The following TRPM3 variants were observed in gnomAD, a reference collection of about 807,000 sequenced individuals.
The protein encoded by TRPM3 is long transient receptor potential channel 3.
Under a neutral mutation model 181.2 loss-of-function variants are expected in TRPM3, and 77 were observed. The ratio of observed to expected loss-of-function variants is 0.42; its 90% CI spans 0.35 to 0.51. The LOEUF is 0.51. Ranked by LOEUF, TRPM3 falls within the 20% of genes least tolerant of loss-of-function variation. The pLI is 0.01. For synonymous variants in TRPM3, 745 were observed against 796.4 expected (o/e 0.94, Z 1.09); for missense variants, 1,759 against 2,196.7 (o/e 0.80, Z 3.98).
intron 1 of TRPM3, among the ~76,000 whole-genome samples, chr9:71,230,497 T>C (rs1199879218): frequency 6.6e-6 from 1 of 152,156 alleles, no homozygotes; most frequent in Non-Finnish European, 1.5e-5. Context: ...AAAGAATAAA[T>C]GCTTGAGGTG....
At chr9:71,374,834 G>A (rs543049308) in intron 1 of TRPM3, among the ~76,000 whole-genome samples, 25 of 152,064 alleles carry the variant, frequency 1.6e-4, no homozygotes, top group African/African-American at 5.8e-4. Flanking sequence ...ATGAATGAAC[G>A]CCCATTCACA....
At chr9:71,385,882 TG>T (rs1254175788) in intron 1 of TRPM3, among the ~76,000 whole-genome samples, 2 of 151,412 alleles carry the variant, frequency 1.3e-5, no homozygotes, top group Non-Finnish European at 2.9e-5. Context: ...TTTTTTTTGG[TG>T]GGGGGTAGAG....
At chr9:70,783,886 C>T in intron 7 of TRPM3, 1 of 1,255,446 alleles carries the variant, frequency 8.0e-7, no homozygotes. Flanking sequence ...TTTTTATTAT[C>T]CGTGTAGCTT....
At chr9:71,037,021 C>T (rs1439720618) in intron 1 of TRPM3, among the ~76,000 whole-genome samples, 4 of 152,124 alleles carry the variant, frequency 2.6e-5, no homozygotes, top group Admixed American at 2.0e-4. Flanking sequence ...ATAGTTGCCA[C>T]ACTAAAACAG....
In TRPM3 at chr9:71,031,794, T is replaced by C. The variant is rs552971636; in HGVS notation, c.177+89384A>G. 2.0e-4 allele frequency among the ~76,000 whole-genome samples: 30 copies of C among 149,764 alleles called. No individual in the cohort carries two copies. The East Asian group carries it at 5.5e-3, about 27-fold the overall frequency. ...CCACTAATATTTTCACAGAATATAT[T>C]TCATGAATCATAATTTGAAAGCCAT... On this transcript the variant is annotated intron_variant, in intron 1 of 25. Transcript: ENST00000677713.
At chr9:70,588,711 A>T (rs1235100465) in intron 22 of TRPM3, among the ~76,000 whole-genome samples, 3 of 152,186 alleles carry the variant, frequency 2.0e-5, no homozygotes, top group Non-Finnish European at 4.4e-5. Flanking sequence ...AGGGCAGCAT[A>T]AAAGATTTGT....
chr9:70,951,179 C>T (rs1274325182), intron 1 of TRPM3, among the ~76,000 whole-genome samples: 6 of 151,748 alleles, frequency 4.0e-5, no homozygotes, highest in African/African-American at 7.3e-5. Flanking sequence ...ATTTAAAATA[C>T]GAATTAGGAA....
rs565421895 is a variant in TRPM3, at chr9:71,135,466, A to G, written c.184-270955T>C. On this transcript the variant is annotated intron_variant, in intron 1 of 24. Coordinates refer to the TRPM3 transcript ENST00000357533. ...TTTGGGTCTCAGAATAATGTATATA[A>G]TAAGAATGATGCTGATTCTCTGTTG... 6.8e-4 allele frequency among the ~76,000 whole-genome samples: 104 copies of G among 152,334 alleles called. 1 individual carries two copies. The highest frequency in any genetic ancestry group is 2.0e-3 in the African/African-American group (85 of 41,576).
chr9:71,069,583 G>A (rs1019327131), intron 1 of TRPM3, among the ~76,000 whole-genome samples: 2 of 151,678 alleles, frequency 1.3e-5, no homozygotes, highest in African/African-American at 2.4e-5. Context: ...GAATAGGAGG[G>A]CCTGTATGCC....
intron 1 of TRPM3, among the ~76,000 whole-genome samples, chr9:71,392,860 G>A (rs902241958): frequency 3.3e-5 from 5 of 152,010 alleles, no homozygotes; most frequent in Admixed American, 2.6e-4. Flanking sequence ...TTCCCCTTTA[G>A]GAAATGGAGT....
chr9:70,901,695 A>G (rs970453104), intron 1 of TRPM3, among the ~76,000 whole-genome samples: 2 of 152,216 alleles, frequency 1.3e-5, no homozygotes, highest in Non-Finnish European at 2.9e-5. Context: ...GTGAAAGATC[A>G]ATTGACTTTG....
At chr9:70,652,420 T>C (rs2059713705) in intron 9 of TRPM3, among the ~76,000 whole-genome samples, 1 of 151,942 alleles carries the variant, frequency 6.6e-6, no homozygotes, top group Non-Finnish European at 1.5e-5. Context: ...CCATGGGACT[T>C]TATAAGTTTG....
intron 1 of TRPM3, among the ~76,000 whole-genome samples, chr9:71,057,694 T>G (rs2060823103): frequency 1.3e-5 from 2 of 152,074 alleles, no homozygotes; most frequent in South Asian, 4.1e-4. Flanking sequence ...AGCCAAAATC[T>G]GAACCAAGTT....
At chr9:71,034,887 T>G (rs1296835529) in intron 1 of TRPM3, among the ~76,000 whole-genome samples, 1 of 152,104 alleles carries the variant, frequency 6.6e-6, no homozygotes, top group Non-Finnish European at 1.5e-5. Flanking sequence ...TCTAGAAATT[T>G]TATTTCTGAA....
intron 25 of TRPM3, among the ~76,000 whole-genome samples, 153 bp downstream of exon 25, chr9:70,549,389 G>A (rs1228960238): frequency 2.0e-5 from 3 of 152,136 alleles, no homozygotes; most frequent in African/African-American, 7.2e-5. Context: ...GATACTTTGG[G>A]CAATGTTCTG....
chr9:71,199,137 G>T (rs973227611), intron 1 of TRPM3, among the ~76,000 whole-genome samples: 9 of 151,314 alleles, frequency 5.9e-5, no homozygotes, highest in African/African-American at 2.2e-4. Flanking sequence ...TAATCATGTG[G>T]TTTTTGTCTT....
intron 8 of TRPM3, among the ~76,000 whole-genome samples, chr9:70,741,567 C>A (rs923808847): frequency 6.6e-6 from 1 of 152,048 alleles, no homozygotes; most frequent in African/African-American, 2.4e-5. Flanking sequence ...ATTGAACCAG[C>A]CCAAATGTCC....
At chr9:71,183,168 T>A (rs1010902534) in intron 1 of TRPM3, among the ~76,000 whole-genome samples, 1 of 152,070 alleles carries the variant, frequency 6.6e-6, no homozygotes, top group Non-Finnish European at 1.5e-5. Flanking sequence ...TAAGACTTAA[T>A]ATCAAAAAAA....
At chr9:70,889,177 G>A (rs1239399137) in intron 1 of TRPM3, among the ~76,000 whole-genome samples, 1 of 152,112 alleles carries the variant, frequency 6.6e-6, no homozygotes, top group Non-Finnish European at 1.5e-5. Context: ...GGAGATGGGT[G>A]GAATAGCAAG....
Sources: allele counts gnomAD v4.1 joint callset (sites outside exome capture counted in the v4.1 genomes callset), GRCh38; gene constraint gnomAD v4.1.1; transcripts MANE v1.5; gene names NCBI Gene and HGNC (gene_info 2026-07-23, HGNC 2026-07-21).